TBC1D2B: variants seen among roughly 807,000 people sequenced by gnomAD.
TBC1D2B encodes the protein TBC1 domain family member 2B, also known as TBC1 domain family, member 2B.
TBC1D2B carries 64 observed loss-of-function variants against 100.8 expected under a neutral mutation model. The observed-to-expected ratio is 0.64, with a 90% CI of 0.52 to 0.78. The LOEUF (loss-of-function observed/expected upper bound fraction) is 0.78. Ranked by LOEUF, TBC1D2B falls within the 30% of genes least tolerant of loss-of-function variation. The pLI is 0.00. For missense variants in TBC1D2B, 1,052 were observed against 1,218.4 expected (o/e 0.86, Z 2.03); for synonymous variants, 480 against 479.7 (o/e 1.00, Z -0.01).
rs145567013 is a variant in TBC1D2B at position 78,038,656 on chromosome 15, G to A, written c.683+6244C>T. Among the ~76,000 whole-genome samples, 40 of 152,354 alleles carry A rather than the reference G, an allele frequency of 2.6e-4. No homozygotes were observed. The South Asian group carries it at 4.4e-3, about 17-fold the overall frequency. ...GGTGGACCCAGCACAGGCACAGGATGCAGACAGGTGCCCTTCCTCAGCCCC... is the reference window on the plus strand; with the variant it reads ...GGTGGACCCAGCACAGGCACAGGATACAGACAGGTGCCCTTCCTCAGCCCC... On this transcript the variant is annotated intron_variant, in intron 3 of 12. Coordinates refer to ENST00000300584, the MANE Select transcript of TBC1D2B (RefSeq NM_144572.2).
intron 2 of TBC1D2B, among the ~76,000 whole-genome samples, chr15:78,045,905 T>A (rs2073184469): frequency 6.6e-6 from 1 of 152,130 alleles, no homozygotes; most frequent in African/African-American, 2.4e-5. Flanking sequence ...TTACTTAAAA[T>A]TTTTTTGTTT....
intron 12 of TBC1D2B, among the ~76,000 whole-genome samples, chr15:78,001,057 GC>G (rs1456198103): frequency 6.6e-6 from 1 of 152,134 alleles, no homozygotes; most frequent in East Asian, 1.9e-4. Flanking sequence ...CTCTGCTATG[GC>G]CCAGCCACAC....
Position 78,024,384 on chromosome 15 carries a change from C to T in TBC1D2B, c.1242G>A (p.Arg414=), listed in dbSNP as rs1322235261. 3.7e-6 allele frequency: 6 copies of T among 1,613,966 alleles called. No individual in the cohort carries two copies. In the South Asian group the frequency reaches 4.4e-5, roughly 12 times the overall value. Residue 414 remains arginine (R), a synonymous_variant, in exon 6 of 13, where the codon AGG becomes AGA. Transcript: ENST00000300584. The part of the protein sequence containing the change: ...QILGLTSQLE[R]FSLEKESLQQ... Reference sequence around the variant, plus strand: ...GAAGACTCTCCTTCTCCAAGCTGAACCTCTCCAGCTGGCTGGTAAGGCCCA... The same window carrying T: ...GAAGACTCTCCTTCTCCAAGCTGAATCTCTCCAGCTGGCTGGTAAGGCCCA...
Position 78,054,017 on chromosome 15 carries a change from C to T in TBC1D2B, c.514+17G>A, listed in dbSNP as rs889548546. 4 of 1,606,058 alleles carry T rather than the reference C, an allele frequency of 2.5e-6. No individual in the cohort carries two copies. Among genetic ancestry groups the T allele is most frequent in the Non-Finnish European group, 3.4e-6 (4 of 1,177,062 alleles). Reference sequence around the variant, plus strand: ...TACACAAAGAACTGACCCAGCTCCCCTTTATTTCTGCCTTACCAGTGTTAT... The same window carrying T: ...TACACAAAGAACTGACCCAGCTCCCTTTTATTTCTGCCTTACCAGTGTTAT... On this transcript the variant is annotated intron_variant, in intron 2 of 12. Transcript: ENST00000300584.
intron 2 of TBC1D2B, 115 bp downstream of exon 2, chr15:78,053,919 G>A: frequency 8.5e-7 from 1 of 1,170,276 alleles, no homozygotes; most frequent in African/African-American, 1.6e-5. Context: ...CACTCATAAG[G>A]TAGCATCATT....
At chr15:78,024,797 G>C (rs1039070808) in intron 5 of TBC1D2B, among the ~76,000 whole-genome samples, 3 of 152,160 alleles carry the variant, frequency 2.0e-5, no homozygotes, top group African/African-American at 7.2e-5. Context: ...ATTAGCAATG[G>C]TATCCAGTAA....
In TBC1D2B at chr15:78,016,747, G is replaced by GA. The variant is rs762905153; in HGVS notation, c.1582-9dup. The GA allele has an allele frequency of 6.6e-7, 1 of 1,515,902 alleles. No homozygotes were observed. Among genetic ancestry groups the GA allele is most frequent in the Non-Finnish European group, 8.8e-7 (1 of 1,134,452 alleles). The allele number at this position is 1,515,902 out of a possible 1,614,324, so 93.9% of individuals were successfully genotyped here. On this transcript the variant is annotated splice_polypyrimidine_tract_variant and intron_variant, in intron 7 of 12. Coordinates refer to ENST00000300584, the MANE Select transcript of TBC1D2B (RefSeq NM_144572.2). ...GGCTTCCAGGCTAGAATACTGCAGAGAATGTGGTGGTTACCTCCATTCAGA... is the reference window on the plus strand; with the variant it reads ...GGCTTCCAGGCTAGAATACTGCAGAGAAATGTGGTGGTTACCTCCATTCAGA...
intron 3 of TBC1D2B, among the ~76,000 whole-genome samples, chr15:78,032,789 T>C (rs1457306864): frequency 6.6e-6 from 1 of 151,884 alleles, no homozygotes; most frequent in Non-Finnish European, 1.5e-5. Flanking sequence ...GAAAATTGGA[T>C]GACCCTGCAA....
At chr15:78,067,441 G>C (rs776092596) in intron 1 of TBC1D2B, among the ~76,000 whole-genome samples, 2 of 152,210 alleles carry the variant, frequency 1.3e-5, no homozygotes, top group Non-Finnish European at 2.9e-5. Context: ...TAGAAAGCTG[G>C]CCACCTTCTC....
chr15:78,010,926 C>A (rs1011746180), intron 9 of TBC1D2B, among the ~76,000 whole-genome samples: 2 of 152,152 alleles, frequency 1.3e-5, no homozygotes, highest in Non-Finnish European at 2.9e-5. Flanking sequence ...TAGGAAAAAA[C>A]TGATTCCATG....
intron 1 of TBC1D2B, among the ~76,000 whole-genome samples, chr15:78,062,115 C>T (rs532673794): frequency 6.6e-6 from 1 of 152,314 alleles, no homozygotes; most frequent in African/African-American, 2.4e-5. Context: ...GCTGCTTCTC[C>T]CACGGGCAAC....
chr15:78,053,884 C>G, intron 2 of TBC1D2B, 150 bp downstream of exon 2: 1 of 896,564 alleles, frequency 1.1e-6, no homozygotes, highest in South Asian at 1.8e-5. Context: ...TACATGGAGG[C>G]GCTGGGTAAC....
At chr15:78,045,439 T>G (rs899026958) in intron 2 of TBC1D2B, among the ~76,000 whole-genome samples, 1 of 152,194 alleles carries the variant, frequency 6.6e-6, no homozygotes, top group East Asian at 1.9e-4. Flanking sequence ...CAGGATAAAC[T>G]GTTATATAAG....
chr15:78,055,223 C>T (rs2073395288), intron 1 of TBC1D2B, among the ~76,000 whole-genome samples: 1 of 100,862 alleles, frequency 9.9e-6, no homozygotes, highest in African/African-American at 3.3e-5. Context: ...GGTGACAGAA[C>T]TGCTATGTAT....
chr15:78,025,253 A>G lies in TBC1D2B; in HGVS notation c.1086+6T>C. ...GGGTAAGACAGAAGCCAGAAGAAGA[A>G]GTTACCTTCTGACTGGACAGGTCTT... On this transcript the variant is annotated splice_donor_region_variant and intron_variant, in intron 5 of 12. Transcript: ENST00000300584. The G allele has an allele frequency of 6.2e-7, 1 of 1,610,802 alleles. No individual in the cohort carries two copies. Among genetic ancestry groups the G allele is most frequent in the Non-Finnish European group, 8.5e-7 (1 of 1,177,676 alleles).
At chr15:78,021,647 C>A (rs574901570) in intron 6 of TBC1D2B, among the ~76,000 whole-genome samples, 6 of 152,350 alleles carry the variant, frequency 3.9e-5, no homozygotes, top group Non-Finnish European at 5.9e-5. Flanking sequence ...CTGGAATCCA[C>A]CTAACAACCA....
chr15:78,059,735 C>T (rs956901995), intron 1 of TBC1D2B, among the ~76,000 whole-genome samples: 3 of 152,202 alleles, frequency 2.0e-5, no homozygotes, highest in Admixed American at 2.0e-4. Flanking sequence ...GCCCTGGCCA[C>T]CTGTTCCTCC....
intron 9 of TBC1D2B, among the ~76,000 whole-genome samples, chr15:78,010,225 G>A (rs1027591697): frequency 6.6e-6 from 1 of 152,164 alleles, no homozygotes; most frequent in African/African-American, 2.4e-5. Flanking sequence ...AGGGGAAGAG[G>A]ACCATGTGTC....
intron 3 of TBC1D2B, among the ~76,000 whole-genome samples, chr15:78,036,464 G>A (rs569197578): frequency 2.6e-5 from 4 of 152,292 alleles, no homozygotes; most frequent in Admixed American, 6.5e-5. Context: ...CAGTCTTCAC[G>A]AATGGATTAA....
Sources: allele counts gnomAD v4.1 joint callset (sites outside exome capture counted in the v4.1 genomes callset), GRCh38; gene constraint gnomAD v4.1.1; transcripts MANE v1.5; gene names NCBI Gene and HGNC (gene_info 2026-07-23, HGNC 2026-07-21).